TNFRSF11A: variants seen among roughly 807,000 people sequenced by gnomAD.
TNFRSF11A encodes TNF receptor superfamily member 11a.
A neutral mutation model predicts 55.7 loss-of-function variants in TNFRSF11A; 32 were observed. The observed-to-expected ratio is 0.57, with a 90% CI of 0.43 to 0.77. The LOEUF is 0.77. Among genes scored for constraint, TNFRSF11A ranks in the 30% least tolerant of loss-of-function variants. The probability of loss-of-function intolerance (pLI) is 0.00; values close to 1 mark genes in which losing one functional copy is unlikely to be tolerated. For missense variants in TNFRSF11A, 753 were observed against 809.8 expected (o/e 0.93, Z 0.85); for synonymous variants, 311 against 331.0 (o/e 0.94, Z 0.65).
At chr18:62,332,440 G>T (rs1036190883) in intron 1 of TNFRSF11A, among the ~76,000 whole-genome samples, 10 of 152,082 alleles carry the variant, frequency 6.6e-5, no homozygotes, top group Admixed American at 5.9e-4. Context: ...CATGGTAATT[G>T]AGAATCAATT....
intron 9 of TNFRSF11A, among the ~76,000 whole-genome samples, chr18:62,381,091 A>G (rs1195760729): frequency 6.6e-6 from 1 of 152,200 alleles, no homozygotes; most frequent in Non-Finnish European, 1.5e-5. Context: ...GGTGTCAGCC[A>G]CCGCGCTTAG....
At chr18:62,348,790 A>T (rs1322249741) in intron 2 of TNFRSF11A, among the ~76,000 whole-genome samples, 1 of 152,256 alleles carries the variant, frequency 6.6e-6, no homozygotes, top group Non-Finnish European at 1.5e-5. Flanking sequence ...TGAAAGCCAC[A>T]GTCCACGGGG....
rs1304375197 is a variant in TNFRSF11A at position 62,389,981 on chromosome 18, T to C, written c.*4947T>C. On this transcript the variant is annotated 3_prime_UTR_variant, in exon 10 of 10. Transcript: ENST00000586569. ...AAGCAGAAGGTACTAATATTAGTCT[T>C]TAGGGCTGGTTTGAGGATGACGTGA... The C allele has an allele frequency of 6.6e-6, 1 of 152,234 alleles. No individual in the cohort carries two copies. The highest frequency in any genetic ancestry group is 2.4e-5 in the African/African-American group (1 of 41,464). The allele number at this position is 152,234 out of a possible 1,614,324, so 9.4% of individuals were successfully genotyped here.
At chr18:62,347,539 T>C (rs1378161723) in intron 1 of TNFRSF11A, among the ~76,000 whole-genome samples, 1 of 152,098 alleles carries the variant, frequency 6.6e-6, no homozygotes, top group Non-Finnish European at 1.5e-5. Flanking sequence ...AGGCAACAGG[T>C]AGTGAGGGCA....
intron 9 of TNFRSF11A, 143 bp downstream of exon 9, chr18:62,369,627 C>T (rs1910383905): frequency 2.7e-6 from 3 of 1,100,170 alleles, no homozygotes; most frequent in African/African-American, 1.5e-5. Flanking sequence ...AGCATTTTTA[C>T]AGGATGGCTT....
chr18:62,333,192 C>T (rs7235256), intron 1 of TNFRSF11A, among the ~76,000 whole-genome samples: 11,562 of 152,152 alleles, frequency 0.076, 1,207 homozygotes, highest in African/African-American at 0.23. Context: ...AAAGGGCTTG[C>T]GAATAAACCT....
At chr18:62,329,899 C>T (rs1345349345) in intron 1 of TNFRSF11A, among the ~76,000 whole-genome samples, 1 of 152,136 alleles carries the variant, frequency 6.6e-6, no homozygotes, top group African/African-American at 2.4e-5. Context: ...CCAAGAAGCC[C>T]AAAGCAGCCC....
intron 3 of TNFRSF11A, among the ~76,000 whole-genome samples, chr18:62,353,782 G>T (rs1484611068): frequency 6.6e-6 from 1 of 152,102 alleles, no homozygotes; most frequent in Non-Finnish European, 1.5e-5. Flanking sequence ...AAACTGGAAG[G>T]GGCCAGGAGA....
At chr18:62,330,178 T>C (rs1267700468) in intron 1 of TNFRSF11A, among the ~76,000 whole-genome samples, 2 of 152,216 alleles carry the variant, frequency 1.3e-5, no homozygotes, top group African/African-American at 2.4e-5. Flanking sequence ...CTTCAGGAGA[T>C]TGGCAGTCCA....
At chr18:62,380,041 A>G (rs1301440521) in intron 9 of TNFRSF11A, among the ~76,000 whole-genome samples, 6 of 152,278 alleles carry the variant, frequency 3.9e-5, no homozygotes, top group African/African-American at 1.4e-4. Flanking sequence ...GACTGGTGAC[A>G]TAACTGACAT....
chr18:62,376,744 C>G (rs1053655480), intron 9 of TNFRSF11A, among the ~76,000 whole-genome samples: 2 of 152,202 alleles, frequency 1.3e-5, no homozygotes, highest in South Asian at 2.1e-4. Context: ...ACCCCTTCCT[C>G]TCTCTGAACT....
intron 9 of TNFRSF11A, 50 bp downstream of exon 9, chr18:62,369,534 G>A: frequency 6.3e-7 from 1 of 1,596,090 alleles, no homozygotes; most frequent in Non-Finnish European, 8.5e-7. Flanking sequence ...CCAGTTCTTG[G>A]TACAGGGTTT....
chr18:62,342,470 T>C (rs1893745396), intron 1 of TNFRSF11A, among the ~76,000 whole-genome samples: 1 of 152,024 alleles, frequency 6.6e-6, no homozygotes, highest in Non-Finnish European at 1.5e-5. Flanking sequence ...TTTAATTTTT[T>C]TGAATAGGAA....
intron 4 of TNFRSF11A, among the ~76,000 whole-genome samples, chr18:62,356,055 A>G (rs1160803654): frequency 6.6e-6 from 1 of 152,230 alleles, no homozygotes; most frequent in Admixed American, 6.5e-5. Context: ...AAAGGAATAG[A>G]AATCCTTTTG....
intron 1 of TNFRSF11A, among the ~76,000 whole-genome samples, chr18:62,330,605 A>G (rs1228911281): frequency 2.0e-5 from 3 of 152,046 alleles, no homozygotes; most frequent in African/African-American, 7.3e-5. Flanking sequence ...GTATTAGGGG[A>G]AGAGTGTCCA....
At chr18:62,366,994 G>A (rs984454943) in intron 8 of TNFRSF11A, among the ~76,000 whole-genome samples, 2 of 152,174 alleles carry the variant, frequency 1.3e-5, no homozygotes, top group African/African-American at 4.8e-5. Flanking sequence ...GATTACAGGA[G>A]CCCACTACCA....
chr18:62,328,434 A>C (rs934631203), intron 1 of TNFRSF11A, among the ~76,000 whole-genome samples: 5 of 151,588 alleles, frequency 3.3e-5, no homozygotes, highest in African/African-American at 4.8e-5. Flanking sequence ...AAAAAAAAAC[A>C]ACCATATATT....
chr18:62,381,021 TCTCCAA>T (rs1911251585), intron 9 of TNFRSF11A, among the ~76,000 whole-genome samples: 1 of 151,996 alleles, frequency 6.6e-6, no homozygotes, highest in Admixed American at 6.6e-5. Context: ...CCCAGGCTGG[TCTCCAA>T]CTCCTGGGCT....
At chr18:62,375,462 A>C (rs1360575858) in intron 9 of TNFRSF11A, among the ~76,000 whole-genome samples, 1 of 152,124 alleles carries the variant, frequency 6.6e-6, no homozygotes, top group Non-Finnish European at 1.5e-5. Context: ...TCCCCATGTC[A>C]TTCTGGCTTT....
Sources: gnomAD v4.1 joint callset for allele counts (sites outside exome capture counted in the v4.1 genomes callset) on GRCh38, gnomAD v4.1.1 for gene constraint, MANE v1.5 for transcripts, NCBI Gene and HGNC (gene_info 2026-07-23, HGNC 2026-07-21) for gene names.